SH3RF3: variants seen among roughly 807,000 people sequenced by gnomAD.
The protein encoded by SH3RF3 is SH3 domain containing ring finger 3, also known as E3 ubiquitin-protein ligase SH3RF3.
SH3RF3 carries 29 observed loss-of-function variants against 66.3 expected under a neutral mutation model. The ratio of observed to expected loss-of-function variants is 0.44; its 90% CI spans 0.33 to 0.60. The LOEUF is 0.60. Among genes scored for constraint, SH3RF3 ranks in the 20% least tolerant of loss-of-function variants. The pLI, the probability that SH3RF3 is intolerant of heterozygous loss-of-function variation, is 0.04. For synonymous variants in SH3RF3, 583 were observed against 532.0 expected, an observed-to-expected ratio of 1.10 and a Z score of -1.32; for missense variants, 1,194 against 1,190.9, an observed-to-expected ratio of 1.00 and a Z score of -0.04.
chr2:109,350,569 C>T (rs1231917641), intron 2 of SH3RF3, among the ~76,000 whole-genome samples: 1 of 152,200 alleles, frequency 6.6e-6, no homozygotes, highest in Admixed American at 6.5e-5. Context: ...CCTGTTCTGT[C>T]CTGTTGCATC....
chr2:109,493,927 T>G (rs929808942), intron 9 of SH3RF3, among the ~76,000 whole-genome samples: 1 of 152,126 alleles, frequency 6.6e-6, no homozygotes, highest in Non-Finnish European at 1.5e-5. Flanking sequence ...CCTCCACCTC[T>G]CATCCTCTCC....
At position 109,196,482 on chromosome 2, in the gene SH3RF3, TC is replaced by T. The variant is rs752527608; in HGVS notation, c.573+66372del. 4.0e-4 allele frequency among the ~76,000 whole-genome samples: 61 copies of T among 152,326 alleles called. 1 individual carries two copies. The highest frequency in any genetic ancestry group is 2.6e-3 in the Admixed American group (40 of 15,302). ...CCCTGCAAGGGAGGACACAGGTGACTCCCTTCCAGTCTGTTTCTAGAGTGTC... is the reference window on the plus strand; with the variant it reads ...CCCTGCAAGGGAGGACACAGGTGACTCCTTCCAGTCTGTTTCTAGAGTGTC... On this transcript the variant is annotated intron_variant, in intron 1 of 9. Transcript: ENST00000309415.
In SH3RF3 at chr2:109,129,805, C is replaced by T. The variant is rs1181018904; in HGVS notation, c.265C>T (p.Arg89Cys). 1.3e-6 allele frequency: 2 copies of T among 1,538,548 alleles called. No homozygotes were observed. Among genetic ancestry groups the T allele is most frequent in the Middle Eastern group, 1.8e-4 (1 of 5,570 alleles). The change falls in exon 1 of 10, where the codon CGC becomes TGC. Residue 89 changes from arginine (R) to cysteine (C), a missense_variant. By Grantham distance (180) the Arg-to-Cys change is radical. Coordinates refer to ENST00000309415, the MANE Select transcript of SH3RF3 (RefSeq NM_001099289.3). ...RRCLESIVCSRHELRCPECRI... is the reference protein window; with the variant it reads ...RRCLESIVCSCHELRCPECRI... ...CTGCCTGGAGAGCATCGTGTGCTCG[C>T]GCCACGAGCTGCGCTGCCCCGAGTG...
At chr2:109,188,103 G>A (rs949721918) in intron 1 of SH3RF3, among the ~76,000 whole-genome samples, 26 of 152,344 alleles carry the variant, frequency 1.7e-4, no homozygotes, top group Middle Eastern at 3.4e-3. Flanking sequence ...TGCTCTGTGC[G>A]GTGCTCTCGG....
chr2:109,153,941 A>G (rs1229812638), intron 1 of SH3RF3, among the ~76,000 whole-genome samples: 1 of 152,238 alleles, frequency 6.6e-6, no homozygotes, highest in African/African-American at 2.4e-5. Flanking sequence ...TTATAAAATT[A>G]TTAAGAATTT....
intron 1 of SH3RF3, among the ~76,000 whole-genome samples, chr2:109,315,875 A>G (rs986239415): frequency 2.0e-5 from 3 of 152,164 alleles, no homozygotes; most frequent in Middle Eastern, 3.2e-3. Context: ...CATCAAAGCC[A>G]CCAGTTCCCA....
intron 2 of SH3RF3, among the ~76,000 whole-genome samples, chr2:109,366,360 T>A (rs1296536332): frequency 6.6e-6 from 1 of 152,176 alleles, no homozygotes; most frequent in African/African-American, 2.4e-5. Flanking sequence ...GTGAGGAAGA[T>A]CTATATGTAC....
intron 1 of SH3RF3, among the ~76,000 whole-genome samples, chr2:109,312,503 ACT>A (rs1350255519): frequency 2.7e-5 from 4 of 149,832 alleles, no homozygotes; most frequent in Non-Finnish European, 4.5e-5. Context: ...CCAAAAGGAA[ACT>A]CTCTACCCAT....
At chr2:109,148,643 C>T (rs2104861062) in intron 1 of SH3RF3, among the ~76,000 whole-genome samples, 1 of 152,326 alleles carries the variant, frequency 6.6e-6, no homozygotes, top group Middle Eastern at 3.4e-3. Context: ...GCAGAAGCCA[C>T]AGCGTTTAAA....
At position 109,129,988 on chromosome 2, in the gene SH3RF3, G is replaced by A; in HGVS notation, c.448G>A (p.Ala150Thr). Residue 150 changes from alanine (A) to threonine (T), a missense_variant, in exon 1 of 10, where the codon GCG (alanine) becomes ACG (threonine). Transcript: ENST00000309415. ...IPGQSAAPTLAGGGGGAAGST... is the reference protein window; with the variant it reads ...IPGQSAAPTLTGGGGGAAGST... ...AGGCCAGAGTGCGGCCCCCACGCTC[G>A]CGGGCGGCGGGGGCGGCGCGGCAGG... 5.4e-6 allele frequency: 7 copies of A among 1,296,364 alleles called. No homozygotes were observed. Among genetic ancestry groups the A allele is most frequent in the Middle Eastern group, 2.9e-4 (1 of 3,394 alleles). The allele number at this position is 1,296,364 out of a possible 1,614,324, so 80.3% of individuals were successfully genotyped here.
intron 2 of SH3RF3, among the ~76,000 whole-genome samples, chr2:109,350,816 C>T (rs546439251): frequency 1.3e-5 from 2 of 152,336 alleles, no homozygotes; most frequent in East Asian, 1.9e-4. Context: ...AGCTTGGTCT[C>T]CCCTCTGGGG....
intron 2 of SH3RF3, among the ~76,000 whole-genome samples, chr2:109,351,628 A>G (rs992709170): frequency 1.3e-5 from 2 of 152,222 alleles, no homozygotes; most frequent in African/African-American, 4.8e-5. Flanking sequence ...TCCAGCTGGG[A>G]TGCTCAGGAA....
chr2:109,176,273 TAC>T (rs972335690), intron 1 of SH3RF3, among the ~76,000 whole-genome samples: 3 of 152,030 alleles, frequency 2.0e-5, no homozygotes, highest in African/African-American at 7.3e-5. Context: ...TAGAAAAGGG[TAC>T]AGAGGAGGAA....
intron 2 of SH3RF3, among the ~76,000 whole-genome samples, chr2:109,370,473 C>T (rs537966334): frequency 6.6e-6 from 1 of 152,190 alleles, no homozygotes; most frequent in African/African-American, 2.4e-5. Context: ...CTCCTGATCT[C>T]AGGTGATCAC....
At chr2:109,307,801 A>G (rs1444314291) in intron 1 of SH3RF3, among the ~76,000 whole-genome samples, 4 of 145,336 alleles carry the variant, frequency 2.8e-5, no homozygotes, top group Non-Finnish European at 6.0e-5. Context: ...TATGTGCCAC[A>G]TTTTCTTAAT....
chr2:109,165,065 G>C (rs993385346), intron 1 of SH3RF3, among the ~76,000 whole-genome samples: 1 of 152,198 alleles, frequency 6.6e-6, no homozygotes, highest in Non-Finnish European at 1.5e-5. Flanking sequence ...TTGGCAGTGG[G>C]CCTGGACAGA....
chr2:109,195,728 C>T (rs1678483008), intron 1 of SH3RF3, among the ~76,000 whole-genome samples: 1 of 152,134 alleles, frequency 6.6e-6, no homozygotes, highest in Admixed American at 6.6e-5. Context: ...ACTCATTTGA[C>T]CTGGACTTCT....
At chr2:109,488,126 A>T (rs919495366) in intron 8 of SH3RF3, among the ~76,000 whole-genome samples, 3 of 152,142 alleles carry the variant, frequency 2.0e-5, no homozygotes, top group African/African-American at 7.2e-5. Flanking sequence ...CTCCGCCGGG[A>T]CACCTGGGGC....
intron 1 of SH3RF3, among the ~76,000 whole-genome samples, chr2:109,190,820 A>C (rs1256078322): frequency 8.6e-5 from 13 of 152,018 alleles, no homozygotes; most frequent in Non-Finnish European, 1.8e-4. Context: ...ATCATTTTTA[A>C]GGAGTGTTCA....
Sources: allele counts gnomAD v4.1 joint callset (sites outside exome capture counted in the v4.1 genomes callset), GRCh38; gene constraint gnomAD v4.1.1; transcripts MANE v1.5; gene names NCBI Gene and HGNC (gene_info 2026-07-23, HGNC 2026-07-21).